The following FRMPD4 variants were observed in gnomAD, a reference collection of about 807,000 sequenced individuals.
FRMPD4 encodes the protein FERM and PDZ domain-containing protein 4.
A neutral mutation model predicts 94.1 loss-of-function variants in FRMPD4; 22 were observed. The ratio of observed to expected loss-of-function variants is 0.23; its 90% CI spans 0.17 to 0.33. The LOEUF (loss-of-function observed/expected upper bound fraction) is 0.33, where lower values mean the gene tolerates loss of function less well. Ranked by LOEUF, FRMPD4 falls within the 10% of genes least tolerant of loss-of-function variation. The pLI is 1.00. For missense variants in FRMPD4, 1,111 were observed against 1,339.9 expected, an observed-to-expected ratio of 0.83 and a Z score of 2.67; for synonymous variants, 631 against 548.6, an observed-to-expected ratio of 1.15 and a Z score of -2.10.
chrX:12,308,455 T>C (rs2054978707), intron 1 of FRMPD4, among the ~76,000 whole-genome samples: 1 of 111,798 alleles, frequency 8.9e-6, no homozygotes, highest in Admixed American at 9.5e-5. Flanking sequence ...TGTACTTCCC[T>C]TGCCTATCTT....
At chrX:12,703,446 A>G (rs764871969) in intron 10 of FRMPD4, among the ~76,000 whole-genome samples, 17 of 112,239 alleles carry the variant, frequency 1.5e-4, no homozygotes, top group South Asian at 7.4e-4. Context: ...ACTAGTGAAG[A>G]ATATGAATGG....
chrX:12,413,088 G>C (rs1466212341), intron 1 of FRMPD4, among the ~76,000 whole-genome samples: 1 of 111,377 alleles, frequency 9.0e-6, no homozygotes, highest in Non-Finnish European at 1.9e-5. Flanking sequence ...TTGTATGCTA[G>C]ATGACTTCCA....
intron 3 of FRMPD4, among the ~76,000 whole-genome samples, chrX:12,041,614 A>G (rs2054756390): frequency 9.1e-6 from 1 of 109,683 alleles, no homozygotes; most frequent in Non-Finnish European, 1.9e-5. Flanking sequence ...CAGTTTGACT[A>G]TCATCTGTAT....
At chrX:12,334,172 A>C (rs1477478888) in intron 1 of FRMPD4, among the ~76,000 whole-genome samples, 1 of 112,352 alleles carries the variant, frequency 8.9e-6, no homozygotes, top group Non-Finnish European at 1.9e-5. Flanking sequence ...TAAGTTTGAC[A>C]GTAAGCTTTA....
At position 12,346,417 on chromosome X, in the gene FRMPD4, G is replaced by A. The variant is rs146286462; in HGVS notation, c.42-152263G>A. Among the ~76,000 whole-genome samples the A allele has an allele frequency of 9.3e-3, 1,039 of 111,291 alleles. 12 individuals are homozygous for A. The highest frequency in any genetic ancestry group is 0.032 in the African/African-American group (986 of 30,630). ...GCATAGTGGGCTTAGAAAGAGTCCT[G>A]GGTTGAAGTTCAAACCTTCTCAGTC... On this transcript the variant is annotated intron_variant, in intron 1 of 16. Coordinates refer to ENST00000675598, the MANE Select transcript of FRMPD4 (RefSeq NM_001368397.1).
intron 4 of FRMPD4, among the ~76,000 whole-genome samples, chrX:12,653,598 C>G (rs1381306284): frequency 2.7e-5 from 3 of 111,226 alleles, no homozygotes; most frequent in Admixed American, 9.5e-5. Context: ...TTGAAAACCG[C>G]TAATCAATCA....
At chrX:11,967,752 G>GT (rs1368831900) in intron 3 of FRMPD4, among the ~76,000 whole-genome samples, 2 of 77,905 alleles carry the variant, frequency 2.6e-5, no homozygotes, top group African/African-American at 9.0e-5. Context: ...GTGTGTGTGT[G>GT]TGTGTTTTTT....
At chrX:12,539,000 G>A (rs1200350298) in intron 2 of FRMPD4, among the ~76,000 whole-genome samples, 6 of 111,683 alleles carry the variant, frequency 5.4e-5, no homozygotes, top group Non-Finnish European at 3.8e-5. Context: ...AGCTAAAGGA[G>A]GAAGTTCAAA....
intron 3 of FRMPD4, among the ~76,000 whole-genome samples, chrX:11,898,275 T>C (rs762874131): frequency 7.2e-4 from 80 of 111,536 alleles, no homozygotes; most frequent in Non-Finnish European, 1.2e-3. Flanking sequence ...ACCTGACTGC[T>C]GTGTTAAGAA....
chrX:12,050,423 A>T (rs1023734120), intron 3 of FRMPD4, among the ~76,000 whole-genome samples: 1 of 111,870 alleles, frequency 8.9e-6, no homozygotes, highest in Non-Finnish European at 1.9e-5. Flanking sequence ...GTTATATCAT[A>T]TAACCGAGGT....
intron 4 of FRMPD4, among the ~76,000 whole-genome samples, chrX:12,658,689 G>A (rs1312124151): frequency 9.2e-6 from 1 of 108,211 alleles, no homozygotes. Flanking sequence ...TTTTTTTTTA[G>A]TACTTTTTGT....
intron 3 of FRMPD4, among the ~76,000 whole-genome samples, chrX:12,072,013 C>T (rs1408980440): frequency 9.0e-6 from 1 of 110,933 alleles, no homozygotes; most frequent in Non-Finnish European, 1.9e-5. Context: ...TATTTAGAGC[C>T]AGGGTCTTGC....
At chrX:12,019,289 G>A (rs773802156) in intron 3 of FRMPD4, among the ~76,000 whole-genome samples, 22 of 108,799 alleles carry the variant, frequency 2.0e-4, no homozygotes, top group East Asian at 5.8e-4. Flanking sequence ...CCTCAGCCCC[G>A]TTGTCATTAT....
At chrX:12,456,635 T>C (rs904245562) in intron 1 of FRMPD4, among the ~76,000 whole-genome samples, 5 of 112,624 alleles carry the variant, frequency 4.4e-5, no homozygotes, top group African/African-American at 1.6e-4. Context: ...TTACTCTTTA[T>C]GTATAAAATG....
intron 3 of FRMPD4, among the ~76,000 whole-genome samples, chrX:11,994,720 G>T (rs1324450908): frequency 8.9e-6 from 1 of 111,745 alleles, no homozygotes; most frequent in East Asian, 2.8e-4. Flanking sequence ...TTTTACATTA[G>T]ATCTAAAATA....
At chrX:12,683,014 T>C (rs2059988025) in intron 5 of FRMPD4, among the ~76,000 whole-genome samples, 1 of 111,770 alleles carries the variant, frequency 8.9e-6, no homozygotes, top group African/African-American at 3.3e-5. Flanking sequence ...TCTGCTCACA[T>C]GCCCATATGC....
chrX:12,359,164 C>G (rs2055942309), intron 1 of FRMPD4, among the ~76,000 whole-genome samples: 1 of 111,745 alleles, frequency 8.9e-6, no homozygotes, highest in South Asian at 3.8e-4. Context: ...ATTAAAGAAG[C>G]TATAAAAATA....
intron 4 of FRMPD4, among the ~76,000 whole-genome samples, chrX:12,635,232 A>G (rs1039959482): frequency 2.7e-5 from 3 of 111,663 alleles, no homozygotes; most frequent in South Asian, 3.7e-4. Flanking sequence ...AAGAAACACA[A>G]TGCAAAATGG....
At chrX:11,847,475 G>A (rs1298987275) in intron 1 of FRMPD4, among the ~76,000 whole-genome samples, 51 of 107,751 alleles carry the variant, frequency 4.7e-4, no homozygotes, top group African/African-American at 1.6e-3. Context: ...TCAGTGTGGC[G>A]ATTCCTCAGG....
Sources: allele counts gnomAD v4.1 joint callset (sites outside exome capture counted in the v4.1 genomes callset), GRCh38; gene constraint gnomAD v4.1.1; transcripts MANE v1.5; gene names NCBI Gene and HGNC (gene_info 2026-07-23, HGNC 2026-07-21).